COL11A1: variants seen among roughly 807,000 people sequenced by gnomAD.
COL11A1 encodes the protein collagen alpha-1(XI) chain.
A neutral mutation model predicts 265.2 loss-of-function variants in COL11A1; 74 were observed. The observed-to-expected ratio is 0.28, with a 90% CI of 0.23 to 0.34. COL11A1 has a LOEUF of 0.34. Among genes scored for constraint, COL11A1 ranks in the 10% least tolerant of loss-of-function variants. COL11A1 has a pLI of 1.00. For synonymous variants in COL11A1, 816 were observed against 727.6 expected (o/e 1.12, Z -1.96); for missense variants, 2,165 against 2,263.6 (o/e 0.96, Z 0.88).
intron 4 of COL11A1, among the ~76,000 whole-genome samples, chr1:103,041,146 AC>A (rs1169635324): frequency 2.6e-5 from 4 of 151,976 alleles, no homozygotes; most frequent in Non-Finnish European, 5.9e-5. Flanking sequence ...TGCCTGTTTC[AC>A]AGAGTTAGCA....
chr1:102,953,516 T>C (rs919284235), intron 41 of COL11A1, among the ~76,000 whole-genome samples: 1 of 152,166 alleles, frequency 6.6e-6, no homozygotes, highest in African/African-American at 2.4e-5. Context: ...GAGACAGAAA[T>C]AGTTTGTCAT....
chr1:103,070,508 CA>C lies in COL11A1; in HGVS notation c.651+4109del, dbSNP rs370399454. Among the ~76,000 whole-genome samples, 70 of 151,766 alleles carry C rather than the reference CA, an allele frequency of 4.6e-4. No individual in the cohort carries two copies. In the East Asian group the frequency reaches 0.013, roughly 27 times the overall value. ...ATTTGTAAAAGTCCCAGAAAAGCTA[CA>C]GTGATAAAAAGCTACTTCATGATTG... On this transcript the variant is annotated intron_variant, in intron 4 of 66. Transcript: ENST00000370096.
At chr1:103,030,931 C>T (rs1667936080) in intron 5 of COL11A1, 185 bp downstream of exon 5, 1 of 703,032 alleles carries the variant, frequency 1.4e-6, no homozygotes, top group Admixed American at 2.4e-5. Flanking sequence ...TAATCAAATG[C>T]TTAAACAGCA....
chr1:102,963,214 A>G (rs1419301940), intron 38 of COL11A1, among the ~76,000 whole-genome samples: 1 of 152,166 alleles, frequency 6.6e-6, no homozygotes, highest in African/African-American at 2.4e-5. Context: ...TGAGAACCCA[A>G]AAAGCCAGTG....
chr1:102,963,808 C>G (rs891851951), intron 38 of COL11A1, among the ~76,000 whole-genome samples: 2 of 151,354 alleles, frequency 1.3e-5, no homozygotes, highest in Non-Finnish European at 2.9e-5. Context: ...ATCTGAACAC[C>G]AGAATTTGAA....
intron 46 of COL11A1, among the ~76,000 whole-genome samples, chr1:102,923,955 T>A (rs1008048505): frequency 1.9e-4 from 28 of 151,018 alleles, no homozygotes; most frequent in African/African-American, 6.8e-4. Flanking sequence ...ACGGCTGTAA[T>A]CCCAGCACTT....
intron 4 of COL11A1, among the ~76,000 whole-genome samples, chr1:103,061,609 T>C (rs969340565): frequency 6.6e-6 from 1 of 151,988 alleles, no homozygotes; most frequent in Non-Finnish European, 1.5e-5. Flanking sequence ...TGTAAAAACA[T>C]ACTTCTAACT....
chr1:102,933,949 C>T (rs1487326793), intron 46 of COL11A1, among the ~76,000 whole-genome samples: 4 of 152,164 alleles, frequency 2.6e-5, no homozygotes, highest in Admixed American at 6.5e-5. Context: ...TGCTTCGGCT[C>T]GCACACGGTG....
At chr1:103,037,948 A>G (rs1668503047) in intron 4 of COL11A1, among the ~76,000 whole-genome samples, 1 of 152,190 alleles carries the variant, frequency 6.6e-6, no homozygotes, top group Non-Finnish European at 1.5e-5. Context: ...AAAATCATCT[A>G]GATTCCAAAT....
At chr1:102,938,961 A>G (rs1212303808) in intron 44 of COL11A1, 74 bp downstream of exon 44, 7 of 1,320,396 alleles carry the variant, frequency 5.3e-6, no homozygotes, top group African/African-American at 1.4e-5. Flanking sequence ...GTAGCACTAT[A>G]TAAAAATATC....
At chr1:103,038,631 C>G (rs938353450) in intron 4 of COL11A1, among the ~76,000 whole-genome samples, 8 of 152,018 alleles carry the variant, frequency 5.3e-5, no homozygotes, top group African/African-American at 1.9e-4. Flanking sequence ...AACTGAAACT[C>G]AAAAGATGTC....
At chr1:102,901,896 A>G (rs975384198) in intron 54 of COL11A1, among the ~76,000 whole-genome samples, 1 of 152,228 alleles carries the variant, frequency 6.6e-6, no homozygotes, top group Non-Finnish European at 1.5e-5. Context: ...TATACATAAC[A>G]TGTAAAATCA....
At chr1:103,050,142 G>C (rs1304734690) in intron 4 of COL11A1, among the ~76,000 whole-genome samples, 1 of 152,104 alleles carries the variant, frequency 6.6e-6, no homozygotes, top group Admixed American at 6.5e-5. Context: ...TTTGAATGTT[G>C]GCCCTGCCTT....
chr1:102,900,756 T>G (rs969896300), intron 54 of COL11A1, among the ~76,000 whole-genome samples: 2 of 152,162 alleles, frequency 1.3e-5, no homozygotes, highest in Admixed American at 6.5e-5. Context: ...AAGTTGTGAT[T>G]AAAATAAAGG....
intron 4 of COL11A1, among the ~76,000 whole-genome samples, chr1:103,047,164 G>A (rs114025168): frequency 0.011 from 1,741 of 152,222 alleles, 42 homozygotes; most frequent in African/African-American, 0.04. Flanking sequence ...GTAGCCCAAT[G>A]GGGACGGCAT....
At chr1:103,043,356 C>T (rs960702855) in intron 4 of COL11A1, among the ~76,000 whole-genome samples, 2 of 151,232 alleles carry the variant, frequency 1.3e-5, no homozygotes, top group Non-Finnish European at 2.9e-5. Context: ...AGCATCTCTA[C>T]AAGACAATAA....
chr1:102,878,192 T>C, intron 66 of COL11A1, 27 bp from the exon 67 acceptor site: 1 of 1,581,488 alleles, frequency 6.3e-7, no homozygotes. Flanking sequence ...AAATAAAAAG[T>C]TATACAATCT....
intron 54 of COL11A1, among the ~76,000 whole-genome samples, chr1:102,903,048 G>A (rs1026780699): frequency 2.6e-5 from 4 of 151,760 alleles, no homozygotes; most frequent in Non-Finnish European, 4.4e-5. Context: ...TGCATTTTCA[G>A]GTTATAATGC....
chr1:103,003,308 A>G, intron 20 of COL11A1, 40 bp from the exon 21 acceptor site: 1 of 1,590,504 alleles, frequency 6.3e-7, no homozygotes, highest in South Asian at 1.1e-5. Flanking sequence ...TTAAAAAAAA[A>G]AAATGTCCTA....
Sources: gnomAD v4.1 joint callset for allele counts (sites outside exome capture counted in the v4.1 genomes callset) on GRCh38, gnomAD v4.1.1 for gene constraint, MANE v1.5 for transcripts, NCBI Gene and HGNC (gene_info 2026-07-23, HGNC 2026-07-21) for gene names.